Variants in MTCL2 observed in about 807,000 individuals in gnomAD.
MTCL2 encodes microtubule crosslinking factor 2, also known as microtubule cross-linking factor 2.
the MTCL2 span, chr20:36,784,178 C>G: frequency 1.0e-6 from 1 of 986,120 alleles, no homozygotes; most frequent in Non-Finnish European, 1.2e-6. Context: ...GGCTTGTGGC[C>G]TGATGTGAAT....
the MTCL2 span, among the ~76,000 whole-genome samples, chr20:36,790,159 C>T: frequency 4.7e-3 from 696 of 147,020 alleles, 8 homozygotes; most frequent in African/African-American, 0.017. Flanking sequence ...GCCTGGCTAA[C>T]TTTTTGTATT....
At chr20:36,780,846 C>T in the MTCL2 span, 2 of 152,218 alleles carry the variant, frequency 1.3e-5, no homozygotes, top group African/African-American at 4.8e-5. Context: ...CACCCGTTGA[C>T]TCACCAACTG....
the MTCL2 span, among the ~76,000 whole-genome samples, chr20:36,799,835 A>C: frequency 6.6e-6 from 1 of 152,248 alleles, no homozygotes; most frequent in Non-Finnish European, 1.5e-5. Flanking sequence ...CTTAAGAAGC[A>C]CTTTGAATCT....
At chr20:36,813,752 C>CAAAAAAA in the MTCL2 span, among the ~76,000 whole-genome samples, 5 of 65,812 alleles carry the variant, frequency 7.6e-5, no homozygotes, top group East Asian at 5.7e-4. Context: ...GACTCTGTCT[C>CAAAAAAA]AAAAAAAAAA....
At chr20:36,813,111 C>A in the MTCL2 span, among the ~76,000 whole-genome samples, 1 of 151,986 alleles carries the variant, frequency 6.6e-6, no homozygotes, top group African/African-American at 2.4e-5. Context: ...GTGCACAAAC[C>A]TTTTGAGTCA....
the MTCL2 span, among the ~76,000 whole-genome samples, chr20:36,789,493 T>C: frequency 0.062 from 9,390 of 151,954 alleles, 1,007 homozygotes; most frequent in African/African-American, 0.21. Context: ...GAAACCCTAT[T>C]TCTACTAAAA....
the MTCL2 span, among the ~76,000 whole-genome samples, chr20:36,861,963 G>A: frequency 6.6e-6 from 1 of 152,232 alleles, no homozygotes; most frequent in South Asian, 2.1e-4. Flanking sequence ...TGGCCACGAG[G>A]GGCCAATGGG....
chr20:36,789,441 C>T, the MTCL2 span, among the ~76,000 whole-genome samples: 65 of 152,102 alleles, frequency 4.3e-4, no homozygotes, highest in African/African-American at 1.5e-3. Flanking sequence ...GCAGGCGGAT[C>T]ACTTGAGATT....
the MTCL2 span, chr20:36,777,687 C>T: frequency 2.0e-6 from 1 of 502,332 alleles, no homozygotes. Context: ...TTGGTCCCTT[C>T]CCTCCCATGG....
chr20:36,789,988 ATTTT>A, the MTCL2 span, among the ~76,000 whole-genome samples: 2 of 110,728 alleles, frequency 1.8e-5, no homozygotes, highest in African/African-American at 7.1e-5. Flanking sequence ...TAATTTTTGT[ATTTT>A]TTTTTTTTTT....
At chr20:36,857,608 A>G in the MTCL2 span, among the ~76,000 whole-genome samples, 1 of 152,052 alleles carries the variant, frequency 6.6e-6, no homozygotes, top group African/African-American at 2.4e-5. Context: ...CAGGGTAAGG[A>G]GCAGCCAAGA....
the MTCL2 span, among the ~76,000 whole-genome samples, chr20:36,808,914 C>T: frequency 6.6e-6 from 1 of 152,238 alleles, no homozygotes; most frequent in East Asian, 1.9e-4. Context: ...CTGCCCTCTG[C>T]TCCTGCAAAA....
chr20:36,834,242 T>G, the MTCL2 span, among the ~76,000 whole-genome samples: 2 of 151,472 alleles, frequency 1.3e-5, no homozygotes, highest in Admixed American at 6.6e-5. Context: ...TGAATCCTCC[T>G]ACAAACCCCA....
At chr20:36,846,971 A>G in the MTCL2 span, among the ~76,000 whole-genome samples, 1 of 152,138 alleles carries the variant, frequency 6.6e-6, no homozygotes, top group African/African-American at 2.4e-5. Flanking sequence ...GATTGCAACA[A>G]TGCACTCCAG....
At chr20:36,835,311 G>A in the MTCL2 span, among the ~76,000 whole-genome samples, 1 of 152,152 alleles carries the variant, frequency 6.6e-6, no homozygotes. Context: ...TGGGGGTTGG[G>A]GGGGGGCACT....
the MTCL2 span, among the ~76,000 whole-genome samples, chr20:36,854,632 C>T: frequency 3.9e-5 from 6 of 151,916 alleles, no homozygotes; most frequent in South Asian, 2.1e-4. Context: ...CAAGGAGAGG[C>T]GGGGAGGGGA....
At chr20:36,805,002 C>T in the MTCL2 span, 5 of 1,368,690 alleles carry the variant, frequency 3.7e-6, no homozygotes, top group South Asian at 2.7e-5. Context: ...TGGGACTTCA[C>T]GAGGCCTCAG....
At chr20:36,813,313 T>TA in the MTCL2 span, among the ~76,000 whole-genome samples, 10 of 41,898 alleles carry the variant, frequency 2.4e-4, 2 homozygotes, top group South Asian at 1.8e-3. Context: ...ACTGTTTCTT[T>TA]AAAAAAAAAA....
chr20:36,788,910 G>A, the MTCL2 span, among the ~76,000 whole-genome samples: 1 of 150,834 alleles, frequency 6.6e-6, no homozygotes, highest in Non-Finnish European at 1.5e-5. Flanking sequence ...GGGTTCGAGC[G>A]ATTCTCCTGC....
Sources: gnomAD v4.1 joint callset for allele counts (sites outside exome capture counted in the v4.1 genomes callset) on GRCh38, gnomAD v4.1.1 for gene constraint, MANE v1.5 for transcripts, NCBI Gene and HGNC (gene_info 2026-07-23, HGNC 2026-07-21) for gene names.